The following LOC128092249 variants were observed in gnomAD, a reference collection of about 807,000 sequenced individuals.
chr21:46,326,334 T>C, the LOC128092249 span: 1 of 1,590,674 alleles, frequency 6.3e-7, no homozygotes, highest in Non-Finnish European at 8.6e-7. Context: ...TATTTTTTTC[T>C]CACTTACCTT....
chr21:46,326,418 G>A, the LOC128092249 span: 2 of 1,614,176 alleles, frequency 1.2e-6, no homozygotes, highest in Admixed American at 1.7e-5. Flanking sequence ...GTGACAGTTC[G>A]CATTCGGAGA....
At chr21:46,326,436 G>C in the LOC128092249 span, 1 of 1,614,202 alleles carries the variant, frequency 6.2e-7, no homozygotes, top group Non-Finnish European at 8.5e-7. Flanking sequence ...AGAAAAAGAC[G>C]GCGAAGAGGA....
the LOC128092249 span, chr21:46,326,459 T>C: frequency 6.2e-7 from 1 of 1,614,234 alleles, no homozygotes; most frequent in South Asian, 1.1e-5. Context: ...GGCTCGGCTG[T>C]CGATGCGTCT....
At chr21:46,326,329 T>C in the LOC128092249 span, 1 of 1,583,642 alleles carries the variant, frequency 6.3e-7, no homozygotes, top group Non-Finnish European at 8.7e-7. Flanking sequence ...TCTGTTATTT[T>C]TTTCTCACTT....
At chr21:46,326,418 G>T in the LOC128092249 span, 17 of 1,614,176 alleles carry the variant, frequency 1.1e-5, no homozygotes, top group South Asian at 1.1e-4. Flanking sequence ...GTGACAGTTC[G>T]CATTCGGAGA....
At chr21:46,326,355 A>G in the LOC128092249 span, 2 of 1,611,030 alleles carry the variant, frequency 1.2e-6, no homozygotes, top group African/African-American at 2.7e-5. Flanking sequence ...TGCCTTTACT[A>G]CTTATCTACA....
the LOC128092249 span, chr21:46,326,324 T>A: frequency 6.4e-7 from 1 of 1,567,086 alleles, no homozygotes; most frequent in Non-Finnish European, 8.8e-7. Flanking sequence ...GTGGTTCTGT[T>A]ATTTTTTTCT....
the LOC128092249 span, chr21:46,326,454 G>C: frequency 2.0e-5 from 33 of 1,614,104 alleles, no homozygotes; most frequent in Non-Finnish European, 2.7e-5. Flanking sequence ...GGAAGGGCTC[G>C]GCTGTCGATG....
the LOC128092249 span, chr21:46,326,352 A>G: frequency 3.7e-6 from 6 of 1,610,258 alleles, no homozygotes; most frequent in Non-Finnish European, 5.1e-6. Flanking sequence ...CTTTGCCTTT[A>G]CTACTTATCT....
chr21:46,326,335 C>T, the LOC128092249 span: 1 of 1,590,944 alleles, frequency 6.3e-7, no homozygotes, highest in South Asian at 1.1e-5. Context: ...ATTTTTTTCT[C>T]ACTTACCTTT....
the LOC128092249 span, chr21:46,326,433 G>C: frequency 1.2e-6 from 2 of 1,614,258 alleles, no homozygotes; most frequent in Non-Finnish European, 1.7e-6. Context: ...CGGAGAAAAA[G>C]ACGGCGAAGA....
At chr21:46,326,296 C>T in the LOC128092249 span, 2 of 1,368,026 alleles carry the variant, frequency 1.5e-6, no homozygotes, top group South Asian at 2.4e-5. Context: ...TCATGGTCCC[C>T]ACCAGTCTGT....
the LOC128092249 span, chr21:46,326,466 G>T: frequency 1.4e-5 from 23 of 1,614,132 alleles, no homozygotes; most frequent in South Asian, 2.1e-4. Context: ...CTGTCGATGC[G>T]TCTGTCCAGG....
the LOC128092249 span, chr21:46,326,466 G>C: frequency 1.9e-6 from 3 of 1,614,132 alleles, no homozygotes; most frequent in African/African-American, 4.0e-5. Flanking sequence ...CTGTCGATGC[G>C]TCTGTCCAGG....
chr21:46,326,293 C>T, the LOC128092249 span: 41 of 1,337,520 alleles, frequency 3.1e-5, no homozygotes, highest in Non-Finnish European at 4.1e-5. Flanking sequence ...GCCTCATGGT[C>T]CCCACCAGTC....
At chr21:46,326,456 C>T in the LOC128092249 span, 3 of 1,614,224 alleles carry the variant, frequency 1.9e-6, no homozygotes, top group Non-Finnish European at 2.5e-6. Context: ...AAGGGCTCGG[C>T]TGTCGATGCG....
the LOC128092249 span, chr21:46,326,466 G>A: frequency 1.6e-5 from 26 of 1,614,132 alleles, no homozygotes; most frequent in Admixed American, 3.3e-5. Flanking sequence ...CTGTCGATGC[G>A]TCTGTCCAGG....
the LOC128092249 span, chr21:46,326,417 C>G: frequency 1.9e-6 from 3 of 1,614,178 alleles, no homozygotes; most frequent in Non-Finnish European, 2.5e-6. Flanking sequence ...GGTGACAGTT[C>G]GCATTCGGAG....
chr21:46,326,389 C>T, the LOC128092249 span: 4 of 1,614,006 alleles, frequency 2.5e-6, no homozygotes, highest in African/African-American at 4.0e-5. Flanking sequence ...TGCTCACTTC[C>T]GACAGAGAAA....
Sources: gnomAD v4.1 joint callset for allele counts on GRCh38, gnomAD v4.1.1 for gene constraint, MANE v1.5 for transcripts.